The following ANKS1B variants were observed in gnomAD, a reference collection of about 807,000 sequenced individuals.
ANKS1B encodes ankyrin repeat and sterile alpha motif domain containing 1B.
In ANKS1B, 36 loss-of-function variants were observed where a neutral mutation model predicts 148.3. The ratio of observed to expected loss-of-function variants is 0.24; its 90% CI spans 0.19 to 0.32. ANKS1B has a LOEUF of 0.32. Among genes scored for constraint, ANKS1B ranks in the 10% least tolerant of loss-of-function variants. ANKS1B has a pLI of 1.00. For missense variants in ANKS1B, 1,157 were observed against 1,542.6 expected (o/e 0.75, Z 4.19); for synonymous variants, 542 against 560.8 (o/e 0.97, Z 0.47).
At chr12:99,719,438 T>C (rs920658849) in intron 8 of ANKS1B, among the ~76,000 whole-genome samples, 1 of 152,090 alleles carries the variant, frequency 6.6e-6, no homozygotes, top group East Asian at 1.9e-4. Flanking sequence ...CATTTTCCCA[T>C]ATTCTTTCAT....
intron 9 of ANKS1B, among the ~76,000 whole-genome samples, chr12:99,565,178 A>G (rs900788291): frequency 6.6e-6 from 1 of 152,210 alleles, no homozygotes; most frequent in African/African-American, 2.4e-5. Flanking sequence ...ATAATTATAA[A>G]TATTTAGTAA....
In ANKS1B at chr12:99,825,295, T is replaced by G; in HGVS notation, c.215+14A>C. 6.2e-7 allele frequency: 1 copy of G among 1,606,756 alleles called. No individual in the cohort carries two copies. Among genetic ancestry groups the G allele is most frequent in the South Asian group, 1.1e-5 (1 of 90,130 alleles). ...CTAAATACACACGATTCCGTCCAAA[T>G]AAGTGGCACTTACTTATGTCCATTT... is the stretch of plus-strand genomic sequence containing the variant. On this transcript the variant is annotated intron_variant, in intron 2 of 26. Transcript: ENST00000683438.
At chr12:99,263,510 T>G (rs751027988) in intron 12 of ANKS1B, among the ~76,000 whole-genome samples, 3 of 152,176 alleles carry the variant, frequency 2.0e-5, no homozygotes, top group Non-Finnish European at 4.4e-5. Context: ...AGAATTTATT[T>G]ATCACTTGAT....
At chr12:99,680,890 TG>T (rs895505127) in intron 8 of ANKS1B, among the ~76,000 whole-genome samples, 5 of 152,050 alleles carry the variant, frequency 3.3e-5, no homozygotes, top group Non-Finnish European at 5.9e-5. Context: ...CCCACTTCCC[TG>T]GTGACCTGTA....
At chr12:99,609,617 T>C (rs1351157275) in intron 9 of ANKS1B, among the ~76,000 whole-genome samples, 11 of 151,730 alleles carry the variant, frequency 7.2e-5, no homozygotes, top group Non-Finnish European at 1.0e-4. Flanking sequence ...ATCCACTGGC[T>C]GCCTGACACA....
downstream of ANKS1B, among the ~76,000 whole-genome samples, chr12:98,739,111 G>A (rs2097786408): frequency 2.0e-5 from 3 of 152,330 alleles, no homozygotes; most frequent in South Asian, 6.2e-4. Flanking sequence ...GGGCCCCACA[G>A]CCAAGTGGTG....
intron 17 of ANKS1B, among the ~76,000 whole-genome samples, chr12:98,872,928 C>T (rs979862460): frequency 6.6e-6 from 1 of 152,178 alleles, no homozygotes; most frequent in Non-Finnish European, 1.5e-5. Context: ...TGTTTCATGC[C>T]AACTTTTAGT....
intron 9 of ANKS1B, among the ~76,000 whole-genome samples, chr12:99,524,391 TAGCAAAAGGAA>T (rs1219033551): frequency 6.6e-6 from 1 of 152,070 alleles, no homozygotes; most frequent in Admixed American, 6.5e-5. Flanking sequence ...ACGTAACACA[TAGCAAAAGGAA>T]CTTTGCAGAT....
chr12:99,277,674 C>T (rs948544149), intron 12 of ANKS1B, among the ~76,000 whole-genome samples: 1 of 152,098 alleles, frequency 6.6e-6, no homozygotes, highest in Admixed American at 6.5e-5. Flanking sequence ...CAAAACTGAA[C>T]CCTATGCAGT....
chr12:99,823,774 A>G (rs2082811580), intron 2 of ANKS1B, among the ~76,000 whole-genome samples: 2 of 152,202 alleles, frequency 1.3e-5, no homozygotes, highest in Non-Finnish European at 2.9e-5. Flanking sequence ...ATATGGTGAA[A>G]GGTTAAGGTC....
At chr12:98,772,862 T>A (rs1170424828) in intron 25 of ANKS1B, 180 bp downstream of exon 25, 1 of 616,474 alleles carries the variant, frequency 1.6e-6, no homozygotes, top group Non-Finnish European at 2.7e-6. Context: ...TTTCTGCCAT[T>A]TAAGCCTCTC....
intron 15 of ANKS1B, among the ~76,000 whole-genome samples, chr12:99,128,369 TTGC>T (rs1391135104): frequency 6.6e-6 from 1 of 152,206 alleles, no homozygotes; most frequent in Non-Finnish European, 1.5e-5. Flanking sequence ...TAGTGTCCTG[TTGC>T]TGCATGGGTG....
chr12:99,318,048 G>A (rs933350190), intron 12 of ANKS1B, among the ~76,000 whole-genome samples: 2 of 152,184 alleles, frequency 1.3e-5, no homozygotes, highest in Non-Finnish European at 1.5e-5. Context: ...TTTTTGATGT[G>A]CTGCTGGATT....
chr12:99,909,217 CGTGTGTGTGTGTGT>C (rs60264932), intron 1 of ANKS1B, among the ~76,000 whole-genome samples: 1,782 of 137,360 alleles, frequency 0.013, 90 homozygotes, highest in Admixed American at 0.094. Context: ...AATATTCCAT[CGTGTGTGTGTGTGT>C]GTGTGTGTGT....
chr12:99,668,391 C>G (rs571739087), intron 8 of ANKS1B, among the ~76,000 whole-genome samples: 6 of 151,680 alleles, frequency 4.0e-5, no homozygotes, highest in African/African-American at 1.5e-4. Context: ...ATCATTCTCA[C>G]TTTGGGTTTA....
At chr12:99,824,490 ACT>A (rs796691929) in intron 2 of ANKS1B, among the ~76,000 whole-genome samples, 2 of 150,418 alleles carry the variant, frequency 1.3e-5, no homozygotes, top group South Asian at 2.1e-4. Context: ...AAGGAGTGAG[ACT>A]CTGTCTCAAA....
chr12:99,005,135 C>T (rs1477073501), intron 17 of ANKS1B, among the ~76,000 whole-genome samples: 1 of 152,186 alleles, frequency 6.6e-6, no homozygotes, highest in Non-Finnish European at 1.5e-5. Context: ...GAGAGGCAGA[C>T]ACCTCTTAAT....
At chr12:99,465,200 T>C (rs1024004509) in intron 10 of ANKS1B, among the ~76,000 whole-genome samples, 35 of 152,280 alleles carry the variant, frequency 2.3e-4, no homozygotes, top group Admixed American at 1.0e-3. Flanking sequence ...CTAAGCTTCA[T>C]AAGTGAAGGA....
intron 10 of ANKS1B, among the ~76,000 whole-genome samples, chr12:99,453,104 C>T (rs890818242): frequency 2.6e-5 from 4 of 152,084 alleles, no homozygotes; most frequent in Non-Finnish European, 4.4e-5. Flanking sequence ...TCCTGGCTAA[C>T]ATGGTGAAAC....
Sources: allele counts gnomAD v4.1 joint callset (sites outside exome capture counted in the v4.1 genomes callset), GRCh38; gene constraint gnomAD v4.1.1; transcripts MANE v1.5; gene names NCBI Gene and HGNC (gene_info 2026-07-23, HGNC 2026-07-21).